The following MECOM variants were observed in gnomAD, a reference collection of about 807,000 sequenced individuals.
MECOM encodes the protein histone-lysine N-methyltransferase MECOM.
Under a neutral mutation model 116.3 loss-of-function variants are expected in MECOM, and 13 were observed. That is an observed-to-expected ratio of 0.11 (90% CI 0.07 to 0.18). The LOEUF is 0.18. MECOM is among the 10% of genes least tolerant of loss of function. The probability of loss-of-function intolerance (pLI) is 1.00; values close to 1 mark genes in which losing one functional copy is unlikely to be tolerated. For missense variants in MECOM, 1,299 were observed against 1,509.0 expected (o/e 0.86, Z 2.31); for synonymous variants, 528 against 535.2 (o/e 0.99, Z 0.19).
At chr3:169,533,515 G>C (rs184591648) in intron 1 of MECOM, among the ~76,000 whole-genome samples, 232 of 150,570 alleles carry the variant, frequency 1.5e-3, no homozygotes, top group African/African-American at 5.3e-3. Context: ...GACGTGTAAG[G>C]TAAAGGATGA....
intron 2 of MECOM, among the ~76,000 whole-genome samples, chr3:169,183,366 A>G (rs148839433): frequency 6.6e-6 from 1 of 152,274 alleles, no homozygotes; most frequent in African/African-American, 2.4e-5. Context: ...TTCAGCAATG[A>G]ATCTGTAGTA....
intron 1 of MECOM, among the ~76,000 whole-genome samples, chr3:169,475,522 A>G (rs1750212545): frequency 6.6e-6 from 1 of 152,214 alleles, no homozygotes; most frequent in Non-Finnish European, 1.5e-5. Flanking sequence ...TTTAATGGAC[A>G]CATGGATGAA....
chr3:169,657,781 AAG>A (rs1450457746), intron 1 of MECOM, among the ~76,000 whole-genome samples: 5 of 152,382 alleles, frequency 3.3e-5, no homozygotes, highest in Non-Finnish European at 5.9e-5. Flanking sequence ...ACACTTTTGA[AAG>A]AGTCTTGTAA....
chr3:169,493,737 A>C (rs1294075855), intron 1 of MECOM, among the ~76,000 whole-genome samples: 1 of 152,162 alleles, frequency 6.6e-6, no homozygotes, highest in Non-Finnish European at 1.5e-5. Flanking sequence ...TAGGGAAATG[A>C]GAGAGCCTAT....
chr3:169,372,852 T>C (rs760006366), intron 2 of MECOM, among the ~76,000 whole-genome samples: 2 of 151,932 alleles, frequency 1.3e-5, no homozygotes, highest in Non-Finnish European at 2.9e-5. Flanking sequence ...ATAATTAAAG[T>C]TTCCCAAATC....
intron 2 of MECOM, among the ~76,000 whole-genome samples, chr3:169,301,083 G>T (rs983211671): frequency 3.9e-5 from 6 of 152,160 alleles, no homozygotes; most frequent in Non-Finnish European, 8.8e-5. Flanking sequence ...CTTTTAACAT[G>T]TTAGTTGGCT....
intron 1 of MECOM, among the ~76,000 whole-genome samples, chr3:169,404,748 C>A (rs1736413844): frequency 6.6e-6 from 1 of 152,198 alleles, no homozygotes; most frequent in East Asian, 1.9e-4. Context: ...TCCCCAGTCA[C>A]CCAGCGCACA....
intron 1 of MECOM, among the ~76,000 whole-genome samples, chr3:169,588,793 C>A (rs1330066718): frequency 6.6e-6 from 1 of 152,106 alleles, no homozygotes. Flanking sequence ...CATAAAAGGA[C>A]ACATTGGCAA....
intron 1 of MECOM, among the ~76,000 whole-genome samples, chr3:169,491,018 C>T (rs1016979860): frequency 1.3e-5 from 2 of 151,946 alleles, no homozygotes; most frequent in Non-Finnish European, 2.9e-5. Flanking sequence ...ACCACTATCC[C>T]CAGTTAACAT....
intron 2 of MECOM, among the ~76,000 whole-genome samples, chr3:169,271,779 A>G (rs1758970314): frequency 6.6e-6 from 1 of 152,194 alleles, no homozygotes; most frequent in Admixed American, 6.5e-5. Flanking sequence ...TCCAGAAAAA[A>G]ATAAAGTCTG....
At chr3:169,345,656 T>C (rs150057435) in intron 2 of MECOM, among the ~76,000 whole-genome samples, 2 of 152,246 alleles carry the variant, frequency 1.3e-5, no homozygotes, top group East Asian at 3.9e-4. Context: ...AGAGCTGAAG[T>C]AGGTCAAATG....
At chr3:169,246,227 G>T (rs937618239) in intron 2 of MECOM, among the ~76,000 whole-genome samples, 1 of 152,142 alleles carries the variant, frequency 6.6e-6, no homozygotes, top group Non-Finnish European at 1.5e-5. Context: ...AATTGAACAA[G>T]TTATTTTATT....
chr3:169,452,087 A>T (rs916741317), intron 1 of MECOM, among the ~76,000 whole-genome samples: 6 of 151,560 alleles, frequency 4.0e-5, no homozygotes, highest in East Asian at 2.1e-4. Flanking sequence ...ATCGATTTTT[A>T]AAAAAACTTT....
intron 1 of MECOM, among the ~76,000 whole-genome samples, chr3:169,614,634 A>G (rs1192556870): frequency 6.6e-6 from 1 of 152,140 alleles, no homozygotes; most frequent in Admixed American, 6.5e-5. Flanking sequence ...ACCATGTATT[A>G]TGTAATTAAA....
intron 1 of MECOM, among the ~76,000 whole-genome samples, chr3:169,590,993 G>T (rs988459530): frequency 6.6e-6 from 1 of 152,206 alleles, no homozygotes; most frequent in Admixed American, 6.5e-5. Context: ...AGAATTGATG[G>T]AGATTCCCTA....
chr3:169,303,888 G>A (rs1717213291), intron 2 of MECOM, among the ~76,000 whole-genome samples: 1 of 152,180 alleles, frequency 6.6e-6, no homozygotes, highest in African/African-American at 2.4e-5. Flanking sequence ...GGAAGAAAAG[G>A]ATGAGCTTCT....
intron 2 of MECOM, among the ~76,000 whole-genome samples, chr3:169,158,631 G>A (rs545907133): frequency 2.0e-5 from 3 of 152,204 alleles, no homozygotes; most frequent in Non-Finnish European, 2.9e-5. Context: ...TCTGGTGCTC[G>A]GCCGAAGCCA....
intron 1 of MECOM, among the ~76,000 whole-genome samples, chr3:169,599,297 C>T (rs1433734361): frequency 1.3e-5 from 2 of 152,072 alleles, no homozygotes; most frequent in Admixed American, 6.5e-5. Context: ...GGGCAGATCA[C>T]GAGGTCAAGA....
intron 2 of MECOM, among the ~76,000 whole-genome samples, chr3:169,234,536 T>A (rs765392104): frequency 6.6e-6 from 1 of 152,114 alleles, no homozygotes; most frequent in South Asian, 2.1e-4. Flanking sequence ...GGAATAGCCA[T>A]GTATTATAGA....
Sources: gnomAD v4.1 joint callset for allele counts (sites outside exome capture counted in the v4.1 genomes callset) on GRCh38, gnomAD v4.1.1 for gene constraint, MANE v1.5 for transcripts, NCBI Gene and HGNC (gene_info 2026-07-23, HGNC 2026-07-21) for gene names.